Variants in PLXNA4 observed in about 807,000 individuals in gnomAD.
PLXNA4 encodes the protein plexin A4, also known as plexin-A4.
PLXNA4 carries 44 observed loss-of-function variants against 191.8 expected under a neutral mutation model. That is an observed-to-expected ratio of 0.23 (90% CI 0.18 to 0.29). The LOEUF is 0.29. Among genes scored for constraint, PLXNA4 ranks in the 10% least tolerant of loss-of-function variants. The probability of loss-of-function intolerance (pLI) is 1.00; values close to 1 mark genes in which losing one functional copy is unlikely to be tolerated. For missense variants in PLXNA4, 1,800 were observed against 2,488.8 expected (o/e 0.72, Z 5.89); for synonymous variants, 1,082 against 1,009.5 (o/e 1.07, Z -1.36).
At chr7:132,563,147 CCTCCTT>C (rs1801399640) in intron 1 of PLXNA4, among the ~76,000 whole-genome samples, 3 of 89,336 alleles carry the variant, frequency 3.4e-5, no homozygotes, top group East Asian at 4.4e-4. Context: ...TTCTCCTCTT[CCTCCTT>C]CTCCTCCTCC....
chr7:132,492,554 C>T (rs564859657), intron 2 of PLXNA4, among the ~76,000 whole-genome samples: 2 of 152,268 alleles, frequency 1.3e-5, no homozygotes, highest in South Asian at 4.2e-4. Flanking sequence ...GATAAAGGTG[C>T]CATTGAGTCC....
In PLXNA4 at chr7:132,202,688, C is replaced by A; in HGVS notation, c.2544G>T (p.Leu848=). Residue 848 remains leucine, a synonymous_variant, in exon 12 of 32, where the codon CTG becomes CTT. Coordinates refer to ENST00000321063, the MANE Select transcript of PLXNA4 (RefSeq NM_020911.2). Reference sequence around the variant, plus strand: ...TTGTGCACTTGCTTTTGGCACCAGACAGCTCCAGCCACTGGCTCTCCTGGG... The same window carrying A: ...TTGTGCACTTGCTTTTGGCACCAGAAAGCTCCAGCCACTGGCTCTCCTGGG... ...CPAQESQWLE[L]SGAKSKCTNP... 1.3e-6 allele frequency: 2 copies of A among 1,569,728 alleles called. No individual in the cohort carries two copies. The highest frequency in any genetic ancestry group is 2.3e-5 in the East Asian group (1 of 43,456).
intron 2 of PLXNA4, among the ~76,000 whole-genome samples, chr7:132,594,957 AG>A (rs1802674605): frequency 5.2e-5 from 6 of 115,642 alleles, no homozygotes; most frequent in African/African-American, 1.9e-4. Flanking sequence ...ATAGATAGAT[AG>A]ATAGATAATT....
chr7:132,647,476 C>T (rs1222005970), intron 1 of PLXNA4, among the ~76,000 whole-genome samples: 2 of 152,084 alleles, frequency 1.3e-5, no homozygotes, highest in Non-Finnish European at 2.9e-5. Context: ...CACATATACT[C>T]ACATGTATAT....
intron 26 of PLXNA4, among the ~76,000 whole-genome samples, chr7:132,148,234 G>A (rs1482894016): frequency 1.3e-5 from 2 of 152,126 alleles, no homozygotes. Context: ...CTCCTCCCTA[G>A]CATTCTCAAT....
At chr7:132,535,714 T>C (rs925678875) in intron 1 of PLXNA4, among the ~76,000 whole-genome samples, 1 of 152,026 alleles carries the variant, frequency 6.6e-6, no homozygotes, top group Non-Finnish European at 1.5e-5. Context: ...CATTATACCT[T>C]GGCCAAGATC....
At chr7:132,618,562 G>A (rs571640191) in intron 2 of PLXNA4, among the ~76,000 whole-genome samples, 2 of 152,284 alleles carry the variant, frequency 1.3e-5, no homozygotes, top group South Asian at 4.1e-4. Flanking sequence ...CTCCAGTTCT[G>A]CCTAACTTGG....
Position 132,576,303 on chromosome 7 carries a change from G to T in PLXNA4, c.-87+119C>A. The T allele has an allele frequency of 1.3e-6, 1 of 748,974 alleles. No individual in the cohort carries two copies. Among genetic ancestry groups the T allele is most frequent in the Non-Finnish European group, 1.6e-6 (1 of 614,374 alleles). 46.4% of individuals were successfully genotyped at this position (748,974 alleles called of 1,614,324 possible). A position where few individuals can be genotyped will look rare whatever the true frequency, so the allele number is the denominator to read the frequency against. The stretch of plus-strand genomic sequence containing the variant: ...TGTGTGTGTGCCTGCGTGTGTGCGT[G>T]TGCGTGTGCCGCGGGCTGGCTCCGG... On this transcript the variant is annotated intron_variant, in intron 1 of 31. Transcript: ENST00000321063. The surrounding 1 kb of genome is among the most constrained non-coding windows in gnomAD (Gnocchi z 5.8).
chr7:132,334,203 C>G (rs1472724874), intron 3 of PLXNA4, among the ~76,000 whole-genome samples: 1 of 150,604 alleles, frequency 6.6e-6, no homozygotes, highest in South Asian at 2.1e-4. Context: ...AGAGGTGTCT[C>G]CTGGTGCTTT....
intron 4 of PLXNA4, among the ~76,000 whole-genome samples, chr7:132,260,303 A>G (rs533043852): frequency 1.3e-5 from 2 of 152,330 alleles, no homozygotes; most frequent in South Asian, 4.1e-4. Context: ...TGGTATATAG[A>G]TACCGTGGAG....
At chr7:132,286,257 C>T (rs914645096) in intron 4 of PLXNA4, among the ~76,000 whole-genome samples, 14 of 152,262 alleles carry the variant, frequency 9.2e-5, no homozygotes, top group Admixed American at 2.6e-4. Context: ...ATGCAGTGGG[C>T]GCTTACTAAA....
Position 132,211,153 on chromosome 7 carries a change from G to A in PLXNA4, c.2098-10C>T, listed in dbSNP as rs1797788107. On this transcript the variant is annotated splice_polypyrimidine_tract_variant and intron_variant, in intron 9 of 31. Transcript: ENST00000321063. The stretch of plus-strand genomic sequence containing the variant: ...GCAGCTGGGGGCAGTCCTGGGGACA[G>A]AGGGCATGGCTCAGGCTGGGCAGCC... The A allele has an allele frequency of 1.3e-6, 2 of 1,553,156 alleles. No homozygotes were observed. The highest frequency in any genetic ancestry group is 1.7e-6 in the Non-Finnish European group (2 of 1,147,950).
intron 4 of PLXNA4, among the ~76,000 whole-genome samples, chr7:132,255,282 G>C (rs1799395221): frequency 2.0e-5 from 3 of 152,154 alleles, no homozygotes; most frequent in Admixed American, 2.0e-4. Context: ...GAGAGCTGAT[G>C]CTTAGATCTT....
chr7:132,476,769 C>T (rs759681052), intron 3 of PLXNA4, among the ~76,000 whole-genome samples: 52 of 152,264 alleles, frequency 3.4e-4, no homozygotes, highest in African/African-American at 1.2e-3. Flanking sequence ...AAAAGAAATG[C>T]TTCCATAAAT....
chr7:132,566,200 G>T (rs1022404252), intron 1 of PLXNA4, among the ~76,000 whole-genome samples: 1 of 152,164 alleles, frequency 6.6e-6, no homozygotes, highest in Non-Finnish European at 1.5e-5. Context: ...AATTGGGCAC[G>T]TGAATTACCA....
At chr7:132,560,692 TC>T (rs1801000207) in intron 1 of PLXNA4, among the ~76,000 whole-genome samples, 1 of 151,608 alleles carries the variant, frequency 6.6e-6, no homozygotes, top group African/African-American at 2.4e-5. Flanking sequence ...GCCCCACCAC[TC>T]CCCCGACAGC....
rs548946174 is a variant in PLXNA4, at chr7:132,381,954, G to A, written c.1372-83732C>T. Among the ~76,000 whole-genome samples, 120 of 152,234 alleles carry A rather than the reference G, an allele frequency of 7.9e-4. 2 individuals are homozygous for A. The South Asian group carries it at 0.023, about 30-fold the overall frequency. On this transcript the variant is annotated intron_variant, in intron 3 of 31. Transcript: ENST00000321063. ...GTGAGAGACGATTCCCACCAGAACT[G>A]TTAGTCATTCCAGTTTCTCTCAATC...
intron 3 of PLXNA4, among the ~76,000 whole-genome samples, chr7:132,451,474 G>A (rs1796122758): frequency 6.6e-6 from 1 of 152,142 alleles, no homozygotes; most frequent in African/African-American, 2.4e-5. Flanking sequence ...GATGGGCCTG[G>A]TACTCGGGAA....
At chr7:132,334,252 C>CTT (rs71529758) in intron 3 of PLXNA4, among the ~76,000 whole-genome samples, 1,308 of 75,532 alleles carry the variant, frequency 0.017, 39 homozygotes, top group African/African-American at 0.045. Flanking sequence ...TTCTTTCTTT[C>CTT]TTTTTTTTTT....
Sources: gnomAD v4.1 joint callset for allele counts (sites outside exome capture counted in the v4.1 genomes callset) on GRCh38, gnomAD v4.1.1 for gene constraint, Gnocchi (gnomAD v3.1) non-coding constraint, MANE v1.5 for transcripts, NCBI Gene and HGNC (gene_info 2026-07-23, HGNC 2026-07-21) for gene names.